CECR2: variants seen among roughly 807,000 people sequenced by gnomAD.
The protein encoded by CECR2 is chromatin remodeling regulator CECR2.
A neutral mutation model predicts 154.5 loss-of-function variants in CECR2; 30 were observed. That is an observed-to-expected ratio of 0.19 (90% confidence interval 0.15 to 0.26). The LOEUF (loss-of-function observed/expected upper bound fraction) is 0.26. CECR2 is among the 10% of genes least tolerant of loss of function. The pLI is 1.00. For synonymous variants in CECR2, 725 were observed against 683.7 expected (o/e 1.06, Z -0.94); for missense variants, 1,743 against 1,829.3 (o/e 0.95, Z 0.86).
At chr22:17,402,233 C>T (rs1321131766) in intron 1 of CECR2, among the ~76,000 whole-genome samples, 3 of 152,190 alleles carry the variant, frequency 2.0e-5, no homozygotes, top group Non-Finnish European at 4.4e-5. Context: ...AGTTCACCTG[C>T]CTCGGCCTCC....
intron 1 of CECR2, among the ~76,000 whole-genome samples, chr22:17,386,468 G>A (rs564371163): frequency 1.3e-5 from 2 of 152,242 alleles, no homozygotes; most frequent in South Asian, 2.1e-4. Context: ...GTCAGTTGTA[G>A]GGCCCCCTTT....
intron 8 of CECR2, among the ~76,000 whole-genome samples, chr22:17,519,192 G>T (rs1283042548): frequency 6.6e-6 from 1 of 152,106 alleles, no homozygotes; most frequent in Non-Finnish European, 1.5e-5. Context: ...TGAGGCTGGT[G>T]GTGGGGAGTG....
intron 4 of CECR2, 37 bp downstream of exon 4, chr22:17,499,586 A>G: frequency 3.2e-6 from 5 of 1,549,048 alleles, no homozygotes; most frequent in Non-Finnish European, 4.4e-6. Context: ...TAGCTACTGT[A>G]TTAAAATGTC....
intron 2 of CECR2, among the ~76,000 whole-genome samples, chr22:17,493,487 A>T (rs1020858787): frequency 8.6e-5 from 13 of 152,038 alleles, no homozygotes; most frequent in African/African-American, 3.1e-4. Flanking sequence ...CCCTCAAGAG[A>T]TTTTTCCCCA....
intron 2 of CECR2, among the ~76,000 whole-genome samples, chr22:17,496,029 C>G (rs1039923465): frequency 4.6e-5 from 7 of 152,032 alleles, no homozygotes; most frequent in African/African-American, 1.7e-4. Flanking sequence ...ATATTTAACA[C>G]AATTATAGGG....
chr22:17,437,291 A>G (rs1418141416), intron 1 of CECR2, among the ~76,000 whole-genome samples: 2 of 152,026 alleles, frequency 1.3e-5, no homozygotes, highest in Admixed American at 1.3e-4. Flanking sequence ...ATCATTTATC[A>G]AGTTGTTTCA....
intron 1 of CECR2, among the ~76,000 whole-genome samples, chr22:17,438,422 T>C (rs1157868681): frequency 2.0e-5 from 3 of 152,224 alleles, no homozygotes; most frequent in Admixed American, 1.3e-4. Context: ...GAGAGTAAAT[T>C]GTCCTTAGTA....
chr22:17,382,999 G>T (rs371679031), intron 1 of CECR2, among the ~76,000 whole-genome samples: 13 of 152,136 alleles, frequency 8.5e-5, no homozygotes, highest in African/African-American at 3.1e-4. Context: ...AGGCCGAGGC[G>T]GGTGGATCAT....
At chr22:17,514,115 A>G (rs1030209937) in intron 8 of CECR2, among the ~76,000 whole-genome samples, 1 of 152,144 alleles carries the variant, frequency 6.6e-6, no homozygotes, top group African/African-American at 2.4e-5. Context: ...CAGCAGTCCA[A>G]ACTTATTGCC....
chr22:17,510,060 A>C (rs1035937812), intron 7 of CECR2, among the ~76,000 whole-genome samples: 1 of 152,222 alleles, frequency 6.6e-6, no homozygotes, highest in East Asian at 1.9e-4. Context: ...ACAGCTTTAT[A>C]AACTTTAATT....
At chr22:17,550,661 G>A (rs948280769) in intron 17 of CECR2, among the ~76,000 whole-genome samples, 1 of 152,090 alleles carries the variant, frequency 6.6e-6, no homozygotes. Context: ...GTTATGAAGC[G>A]GCCAGGCGCG....
intron 1 of CECR2, among the ~76,000 whole-genome samples, chr22:17,443,904 A>G (rs1010767915): frequency 2.0e-5 from 3 of 152,170 alleles, no homozygotes; most frequent in African/African-American, 7.2e-5. Context: ...ACGGAAGAGA[A>G]CAAAAGTAAT....
intron 8 of CECR2, among the ~76,000 whole-genome samples, chr22:17,517,188 G>A (rs1279042214): frequency 4.6e-5 from 7 of 152,222 alleles, no homozygotes; most frequent in Admixed American, 1.3e-4. Context: ...AGATCTGGGT[G>A]TTTTAAAGTG....
At chr22:17,531,045 A>G (rs1482177846) in intron 9 of CECR2, among the ~76,000 whole-genome samples, 1 of 152,180 alleles carries the variant, frequency 6.6e-6, no homozygotes, top group African/African-American at 2.4e-5. Flanking sequence ...CATTTGGGTG[A>G]TATGTCTGGG....
chr22:17,431,474 T>A (rs1194931919), intron 1 of CECR2, among the ~76,000 whole-genome samples: 1 of 152,226 alleles, frequency 6.6e-6, no homozygotes, highest in South Asian at 2.1e-4. Flanking sequence ...TCAAAACATA[T>A]ATTTTGTTTG....
At chr22:17,492,232 G>T (rs2055545267) in intron 2 of CECR2, among the ~76,000 whole-genome samples, 1 of 152,180 alleles carries the variant, frequency 6.6e-6, no homozygotes, top group Non-Finnish European at 1.5e-5. Context: ...GGGAAGCCTG[G>T]TGCCAAACCT....
chr22:17,396,264 G>A (rs1032364476), intron 1 of CECR2, among the ~76,000 whole-genome samples: 11 of 143,432 alleles, frequency 7.7e-5, no homozygotes, highest in Non-Finnish European at 1.7e-4. Flanking sequence ...AAAAAACAAG[G>A]CCAGGCGCTG....
intron 1 of CECR2, among the ~76,000 whole-genome samples, chr22:17,415,737 T>C (rs1000460193): frequency 6.6e-6 from 1 of 152,254 alleles, no homozygotes; most frequent in Non-Finnish European, 1.5e-5. Flanking sequence ...TTTGTGTTTT[T>C]AAGTGGGTCA....
At chr22:17,372,127 A>G (rs1262934066) in intron 1 of CECR2, among the ~76,000 whole-genome samples, 1 of 152,204 alleles carries the variant, frequency 6.6e-6, no homozygotes, top group African/African-American at 2.4e-5. Flanking sequence ...TTTGAAATAC[A>G]TGCAACAGAA....
Sources: allele counts gnomAD v4.1 joint callset (sites outside exome capture counted in the v4.1 genomes callset), GRCh38; gene constraint gnomAD v4.1.1; transcripts MANE v1.5; gene names NCBI Gene and HGNC (gene_info 2026-07-23, HGNC 2026-07-21).